CCR3: variants seen among roughly 807,000 people sequenced by gnomAD.
CCR3 encodes C-C motif chemokine receptor 3, also known as C-C chemokine receptor type 3.
For missense variants in CCR3, 419 were observed against 437.5 expected (o/e 0.96, Z 0.38); for synonymous variants, 203 against 179.2 (o/e 1.13, Z -1.06).
In CCR3 at chr3:46,265,981, C is replaced by T. The variant is rs41276535; in HGVS notation, c.823C>T (p.Arg275Trp). 5.6e-5 allele frequency: 90 copies of T among 1,613,994 alleles called. No individual in the cohort carries two copies. In the East Asian group the frequency reaches 7.1e-4, roughly 13 times the overall value. The change falls in exon 2 of 2, where the codon CGG becomes TGG. Residue 275 changes from arginine to tryptophan, a missense_variant. Physicochemically the swap from Arg to Trp is moderately radical, Grantham distance 101 (BLOSUM62 -3). Transcript: ENST00000395940. ...CATCTTATTTGGAAATGACTGTGAG[C>T]GGAGCAAGCATCTGGACCTGGTCAT... ...QSILFGNDCE[R>W]SKHLDLVMLV...
intron 2 of CCR3, among the ~76,000 whole-genome samples, chr3:46,230,009 C>G (rs376015820): frequency 6.6e-6 from 1 of 152,106 alleles, no homozygotes; most frequent in East Asian, 1.9e-4. Flanking sequence ...TATTCTGACA[C>G]AAGACAAGGA....
Position 46,264,591 on chromosome 3 carries a change from T to C in CCR3, c.-11-557T>C, listed in dbSNP as rs918404042. 3 of 606,110 alleles carry C rather than the reference T, an allele frequency of 4.9e-6. No individual in the cohort carries two copies. The African/African-American group carries it at 5.9e-5, about 12-fold the overall frequency. The allele number at this position is 606,110 out of a possible 1,614,324, so 37.5% of individuals were successfully genotyped here. A position where few individuals can be genotyped will look rare whatever the true frequency, so the allele number is the denominator to read the frequency against. On this transcript the variant is annotated intron_variant, in intron 1 of 1. Transcript: ENST00000395940. ...TACTTGTTAGAGGATTTTGAACAAA[T>C]TACTAAATTTCTTCAAGGTTCAATT...
rs531149929 is a variant in CCR3, at chr3:46,256,097, T to C, written c.-11-9051T>C. Among the ~76,000 whole-genome samples the C allele has an allele frequency of 5.9e-5, 9 of 152,330 alleles. No individual in the cohort carries two copies. In the East Asian group the frequency reaches 1.5e-3, roughly 26 times the overall value. ...TTCAGCAGTGTTTTGTAGTTTTCCT[T>C]GCAGAGATCTTTCAGTATTTTGAAC... On this transcript the variant is annotated intron_variant, in intron 1 of 1. Coordinates refer to ENST00000395940, the MANE Select transcript of CCR3 (RefSeq NM_178329.3).
chr3:46,265,804 G>A lies in CCR3; in HGVS notation c.646G>A (p.Ala216Thr), dbSNP rs987867009. Residue 216 changes from alanine (A) to threonine (T), a missense_variant, in exon 2 of 2, where the codon GCC becomes ACC. Ala to Thr is a moderately conservative substitution (Grantham distance 58, BLOSUM62 0). Transcript: ENST00000395940. The part of the protein sequence containing the change: ...FCLVLPLLVM[A>T]ICYTGIIKTL... Reference sequence around the variant, plus strand: ...TCTCGTTCTCCCTCTGCTCGTTATGGCCATCTGCTACACAGGAATCATCAA... The same window carrying A: ...TCTCGTTCTCCCTCTGCTCGTTATGACCATCTGCTACACAGGAATCATCAA... The A allele has an allele frequency of 3.7e-6, 6 of 1,613,744 alleles. No homozygotes were observed. The highest frequency in any genetic ancestry group is 2.2e-5 in the South Asian group (2 of 91,088).
intron 1 of CCR3, chr3:46,264,499 A>G: frequency 8.1e-7 from 1 of 1,237,676 alleles, no homozygotes; most frequent in Non-Finnish European, 1.1e-6. Context: ...AAATCACTAC[A>G]TTTGAATCTA....
intron 1 of CCR3, among the ~76,000 whole-genome samples, chr3:46,262,627 G>T (rs994837624): frequency 3.3e-5 from 5 of 151,878 alleles, no homozygotes; most frequent in Non-Finnish European, 7.4e-5. Flanking sequence ...ACCATATCAG[G>T]TTTTTAATTT....
At chr3:46,248,792 GA>G (rs1178834313) in intron 1 of CCR3, among the ~76,000 whole-genome samples, 1 of 152,164 alleles carries the variant, frequency 6.6e-6, no homozygotes, top group Admixed American at 6.5e-5. Context: ...AAGCATGTTT[GA>G]GATCCAGAAC....
chr3:46,260,099 G>T (rs1045243500), intron 1 of CCR3, among the ~76,000 whole-genome samples: 2 of 152,110 alleles, frequency 1.3e-5, no homozygotes, highest in Non-Finnish European at 2.9e-5. Context: ...ATCAGATCCC[G>T]TGAGACTCAT....
intron 1 of CCR3, among the ~76,000 whole-genome samples, chr3:46,250,926 G>A (rs1229280894): frequency 6.6e-6 from 1 of 151,914 alleles, no homozygotes; most frequent in African/African-American, 2.4e-5. Context: ...ACAGAGATAA[G>A]AGGTCAGGGT....
intron 2 of CCR3, among the ~76,000 whole-genome samples, chr3:46,225,842 T>C (rs34745455): frequency 0.061 from 9,337 of 152,328 alleles, 475 homozygotes; most frequent in South Asian, 0.25. Context: ...CATTTTTGAG[T>C]TACTTCTTGT....
At chr3:46,216,646 A>C (rs1426024963) in intron 2 of CCR3, among the ~76,000 whole-genome samples, 1 of 152,220 alleles carries the variant, frequency 6.6e-6, no homozygotes, top group Non-Finnish European at 1.5e-5. Context: ...CTATCAGATT[A>C]ACAGCAGAAT....
intron 1 of CCR3, among the ~76,000 whole-genome samples, chr3:46,245,866 C>A (rs1254643153): frequency 6.6e-6 from 1 of 152,212 alleles, no homozygotes; most frequent in Non-Finnish European, 1.5e-5. Flanking sequence ...ATCCATGTTC[C>A]TGCAAAAGAC....
At position 46,265,326 on chromosome 3, in the gene CCR3, G is replaced by C. The variant is rs752077994; in HGVS notation, c.168G>C (p.Val56=). Residue 56 remains valine (V), a synonymous_variant, in exon 2 of 2, where the codon GTG becomes GTC. Coordinates refer to ENST00000395940, the MANE Select transcript of CCR3 (RefSeq NM_178329.3). ...TVGLLGNVVV[V]MILIKYRRLR... is the part of the protein sequence containing the mutation. ...GCCTCTTGGGCAATGTGGTGGTGGT[G>C]ATGATCCTCATAAAATACAGGAGGC... 2 of 1,614,126 alleles carry C rather than the reference G, an allele frequency of 1.2e-6. No homozygotes were observed. Among genetic ancestry groups the C allele is most frequent in the Admixed American group, 3.3e-5 (2 of 60,012 alleles).
intron 2 of CCR3, among the ~76,000 whole-genome samples, chr3:46,211,736 CA>C (rs2125921906): frequency 6.6e-6 from 1 of 152,278 alleles, no homozygotes; most frequent in East Asian, 1.9e-4. Context: ...AACACACGCA[CA>C]CACACACTTT....
intron 2 of CCR3, among the ~76,000 whole-genome samples, chr3:46,214,001 C>A (rs567087541): frequency 2.2e-4 from 33 of 152,338 alleles, no homozygotes; most frequent in African/African-American, 7.5e-4. Context: ...CCAGCTCCCC[C>A]ACTTGCATCT....
intron 2 of CCR3, among the ~76,000 whole-genome samples, chr3:46,231,919 T>A (rs1699969581): frequency 6.6e-6 from 1 of 152,212 alleles, no homozygotes; most frequent in Non-Finnish European, 1.5e-5. Flanking sequence ...GGGGCCCATG[T>A]GACAGTGTGA....
Position 46,266,295 on chromosome 3 carries a change from A to G in CCR3, c.*69A>G. 2.1e-6 allele frequency: 2 copies of G among 951,944 alleles called. No individual in the cohort carries two copies. The highest frequency in any genetic ancestry group is 2.4e-5 in the Admixed American group (1 of 42,364). The allele number at this position is 951,944 out of a possible 1,614,324, so 59.0% of individuals were successfully genotyped here. On this transcript the variant is annotated 3_prime_UTR_variant, in exon 2 of 2. Coordinates refer to ENST00000395940, the MANE Select transcript of CCR3 (RefSeq NM_178329.3). ...GAAGCAAACACATTAAGCCTTCCACACTCACCTCTAAAACAGTCCTTCAAA... is the reference window on the plus strand; with the variant it reads ...GAAGCAAACACATTAAGCCTTCCACGCTCACCTCTAAAACAGTCCTTCAAA...
chr3:46,212,851 C>T (rs1699732715), intron 2 of CCR3, among the ~76,000 whole-genome samples: 1 of 152,194 alleles, frequency 6.6e-6, no homozygotes, highest in African/African-American at 2.4e-5. Flanking sequence ...CCTTCCCATC[C>T]TCCATGACAG....
chr3:46,253,525 C>T (rs1254905562), intron 1 of CCR3, among the ~76,000 whole-genome samples: 1 of 152,144 alleles, frequency 6.6e-6, no homozygotes, highest in African/African-American at 2.4e-5. Flanking sequence ...TAAATGAGCC[C>T]TGGACATATT....
Sources: gnomAD v4.1 joint callset for allele counts (sites outside exome capture counted in the v4.1 genomes callset) on GRCh38, gnomAD v4.1.1 for gene constraint, MANE v1.5 for transcripts, NCBI Gene and HGNC (gene_info 2026-07-23, HGNC 2026-07-21) for gene names.